Variants in FBXO36 observed in about 807,000 individuals in gnomAD.
FBXO36 encodes the protein F-box protein 36.
In FBXO36, 18 loss-of-function variants were observed where a neutral mutation model predicts 17.0. The observed-to-expected ratio is 1.06, with a 90% CI of 0.73 to 1.57. The LOEUF is 1.57. Among genes scored for constraint, FBXO36 ranks in the 40% most tolerant of loss-of-function variants. The probability of loss-of-function intolerance (pLI) is 0.00; values close to 1 mark genes in which losing one functional copy is unlikely to be tolerated. For synonymous variants in FBXO36, 83 were observed against 85.3 expected (o/e 0.97, Z 0.15); for missense variants, 229 against 221.9 (o/e 1.03, Z -0.20).
chr2:230,005,944 A>G (rs1281917306), intron 3 of FBXO36, among the ~76,000 whole-genome samples: 2 of 152,144 alleles, frequency 1.3e-5, no homozygotes, highest in African/African-American at 4.8e-5. Context: ...CTGAGATTAC[A>G]GATGTGAGCC....
intron 2 of FBXO36, among the ~76,000 whole-genome samples, chr2:229,994,567 T>C (rs1353474797): frequency 6.6e-6 from 1 of 152,202 alleles, no homozygotes; most frequent in African/African-American, 2.4e-5. Context: ...AGGGAGCCTA[T>C]TGCCCTTGAC....
rs1323586558 is a variant in FBXO36 at position 229,995,655 on chromosome 2, T to C, written c.206-1096T>C. ...TTGCACAGGTTGGAGTGCAATGGCATGATCTCAGCTCACCGCAACCTCCGC... is the reference window on the plus strand; with the variant it reads ...TTGCACAGGTTGGAGTGCAATGGCACGATCTCAGCTCACCGCAACCTCCGC... On this transcript the variant is annotated intron_variant, in intron 2 of 3. Coordinates refer to ENST00000283946, the MANE Select transcript of FBXO36 (RefSeq NM_174899.5). 1.4e-5 allele frequency among the ~76,000 whole-genome samples: 2 copies of C among 144,768 alleles called. 1 individual carries two copies. The highest frequency in any genetic ancestry group is 3.0e-5 in the Non-Finnish European group (2 of 66,478). The allele number at this position is 144,768 out of a possible 152,430, so 95.0% of individuals were successfully genotyped here.
intron 1 of FBXO36, among the ~76,000 whole-genome samples, chr2:229,940,415 C>T (rs1261029531): frequency 6.6e-6 from 1 of 151,984 alleles, no homozygotes; most frequent in Non-Finnish European, 1.5e-5. Context: ...GTGATTCTGC[C>T]GTAATGCTTA....
At chr2:229,934,319 T>A (rs2076953772) in intron 1 of FBXO36, among the ~76,000 whole-genome samples, 1 of 152,114 alleles carries the variant, frequency 6.6e-6, no homozygotes, top group Non-Finnish European at 1.5e-5. Context: ...GAGAATGGCA[T>A]GAACCCGGGA....
rs1336662921 is a variant in FBXO36 at position 229,977,833 on chromosome 2, C to G, written c.205+1484C>G. Among the ~76,000 whole-genome samples the G allele has an allele frequency of 3.9e-5, 6 of 152,264 alleles. No homozygotes were observed. The East Asian group carries it at 1.2e-3, about 29-fold the overall frequency. On this transcript the variant is annotated intron_variant, in intron 2 of 3. Transcript: ENST00000283946. ...TGTGACCCAGACCTATAGATGAAAC[C>G]CACTGTTCCCACTGGATTATTGTGA... is the stretch of plus-strand genomic sequence containing the variant.
In FBXO36 at chr2:229,976,324, C is replaced by T; in HGVS notation, c.180C>T (p.Asp60=). ...GAGAAGCAAAAGAAACCCATGAAGA[C>T]TTCCTAGAGAATTCACATCTTCAAG... ...KPGEAKETHE[D]FLENSHLQGQ... is the part of the protein sequence containing the mutation. Residue 60 remains aspartate, a synonymous_variant, in exon 2 of 4, where the codon GAC becomes GAT. Coordinates refer to ENST00000283946, the MANE Select transcript of FBXO36 (RefSeq NM_174899.5). 1 of 1,613,268 alleles carries T rather than the reference C, an allele frequency of 6.2e-7. No homozygotes were observed. The highest frequency in any genetic ancestry group is 8.5e-7 in the Non-Finnish European group (1 of 1,179,332).
intron 1 of FBXO36, among the ~76,000 whole-genome samples, chr2:229,953,108 C>T (rs145538459): frequency 0.013 from 1,932 of 152,190 alleles, 18 homozygotes; most frequent in Non-Finnish European, 0.018. Context: ...GAGGCTGAGG[C>T]GAGTGAATCA....
At chr2:229,952,454 A>G (rs2077061968) in intron 1 of FBXO36, among the ~76,000 whole-genome samples, 1 of 152,220 alleles carries the variant, frequency 6.6e-6, no homozygotes, top group African/African-American at 2.4e-5. Flanking sequence ...AAGAGGGAGA[A>G]GATATTCTCA....
intron 2 of FBXO36, among the ~76,000 whole-genome samples, chr2:229,992,514 A>G (rs1201005218): frequency 6.6e-6 from 1 of 152,116 alleles, no homozygotes; most frequent in Admixed American, 6.6e-5. Flanking sequence ...GACTTCTACT[A>G]ATGGTTTCTT....
intron 2 of FBXO36, among the ~76,000 whole-genome samples, chr2:229,988,321 G>A (rs758860035): frequency 8.7e-4 from 132 of 152,050 alleles, no homozygotes; most frequent in Non-Finnish European, 1.5e-3. Flanking sequence ...CTTTGTCCTG[G>A]ATGTAAACAC....
At chr2:229,968,553 G>C (rs2077165184) in intron 1 of FBXO36, among the ~76,000 whole-genome samples, 1 of 152,096 alleles carries the variant, frequency 6.6e-6, no homozygotes. Flanking sequence ...CTGCTGCCTT[G>C]ACCTTCGGGC....
intron 1 of FBXO36, among the ~76,000 whole-genome samples, chr2:229,942,475 A>G (rs1441377186): frequency 6.6e-6 from 1 of 152,064 alleles, no homozygotes; most frequent in Admixed American, 6.6e-5. Flanking sequence ...GTGAGTCTGT[A>G]TCCTGAGAAA....
chr2:230,010,736 C>T lies in FBXO36; in HGVS notation c.419C>T (p.Ser140Leu), dbSNP rs763837354. The change falls in exon 4 of 4, where the codon TCG (serine) becomes TTG (leucine). Residue 140 changes from serine to leucine, a missense_variant. Physicochemically the swap from Ser to Leu is moderately radical, Grantham distance 145. Coordinates refer to ENST00000283946, the MANE Select transcript of FBXO36 (RefSeq NM_174899.5). ...SDKLWEQIVQSTCDTITPDVR... is the reference protein window; with the variant it reads ...SDKLWEQIVQLTCDTITPDVR... Reference sequence around the variant, plus strand: ...AAACTGTGGGAACAGATAGTCCAGTCGACCTGCGACACCATCACTCCTGAC... The same window carrying T: ...AAACTGTGGGAACAGATAGTCCAGTTGACCTGCGACACCATCACTCCTGAC... 9.9e-6 allele frequency: 16 copies of T among 1,613,466 alleles called. No homozygotes were observed. In the African/African-American group the frequency reaches 1.2e-4, roughly 12 times the overall value.
At chr2:229,979,508 A>C (rs1269741435) in intron 2 of FBXO36, among the ~76,000 whole-genome samples, 1 of 151,728 alleles carries the variant, frequency 6.6e-6, no homozygotes, top group African/African-American at 2.4e-5. Flanking sequence ...GGCTGGGTGC[A>C]GTGGCTCATA....
chr2:229,984,621 C>T (rs2077258651), intron 2 of FBXO36, among the ~76,000 whole-genome samples: 1 of 151,984 alleles, frequency 6.6e-6, no homozygotes, highest in Admixed American at 6.6e-5. Flanking sequence ...ATCTCCTGAT[C>T]TTGTGATCCG....
At chr2:229,941,087 C>T (rs1194211640) in intron 1 of FBXO36, among the ~76,000 whole-genome samples, 4 of 152,112 alleles carry the variant, frequency 2.6e-5, no homozygotes, top group African/African-American at 4.8e-5. Context: ...CTGACTCTAG[C>T]GCAGTGAATC....
intron 2 of FBXO36, among the ~76,000 whole-genome samples, chr2:229,981,749 T>C (rs935281214): frequency 6.7e-6 from 1 of 149,960 alleles, no homozygotes; most frequent in African/African-American, 2.4e-5. Context: ...AAAAAAAAAA[T>C]TCCCAGCATG....
At position 229,947,100 on chromosome 2, in the gene FBXO36, G is replaced by A. The variant is rs532560488; in HGVS notation, c.96+24491G>A. Among the ~76,000 whole-genome samples the A allele has an allele frequency of 1.7e-4, 25 of 151,192 alleles. No individual in the cohort carries two copies. The South Asian group carries it at 4.8e-3, about 29-fold the overall frequency. The stretch of plus-strand genomic sequence containing the variant: ...GGAGAATCACTTGAACCCGGGAGGC[G>A]GAGGTTGCAGTGAGCCGAGATCACA... On this transcript the variant is annotated intron_variant, in intron 1 of 3. Transcript: ENST00000283946.
At chr2:229,938,500 T>G (rs2076978637) in intron 1 of FBXO36, among the ~76,000 whole-genome samples, 1 of 145,704 alleles carries the variant, frequency 6.9e-6, no homozygotes, top group African/African-American at 2.6e-5. Context: ...TTTTTTTTTC[T>G]TGAAGTGGAG....
Sources: gnomAD v4.1 joint callset for allele counts (sites outside exome capture counted in the v4.1 genomes callset) on GRCh38, gnomAD v4.1.1 for gene constraint, MANE v1.5 for transcripts, NCBI Gene and HGNC (gene_info 2026-07-23, HGNC 2026-07-21) for gene names.